Variants in AGBL1 observed in about 807,000 individuals in gnomAD.
AGBL1 encodes cytosolic carboxypeptidase 4.
AGBL1 carries 130 observed loss-of-function variants against 118.9 expected under a neutral mutation model. The observed-to-expected ratio is 1.09, with a 90% CI of 0.95 to 1.26. The LOEUF is 1.26. Ranked by LOEUF, AGBL1 falls within the 50% of genes most tolerant of loss-of-function variation. The pLI, the probability that AGBL1 is intolerant of heterozygous loss-of-function variation, is 0.00. For missense variants in AGBL1, 1,584 were observed against 1,298.1 expected (o/e 1.22, Z -3.38); for synonymous variants, 555 against 478.9 (o/e 1.16, Z -2.08).
intron 18 of AGBL1, among the ~76,000 whole-genome samples, chr15:86,477,869 A>G (rs2082585345): frequency 6.6e-6 from 1 of 152,194 alleles, no homozygotes; most frequent in Non-Finnish European, 1.5e-5. Flanking sequence ...CAGCACATCA[A>G]AAAGCTTATC....
At chr15:86,177,462 T>A (rs2077496697) in intron 5 of AGBL1, among the ~76,000 whole-genome samples, 1 of 152,192 alleles carries the variant, frequency 6.6e-6, no homozygotes, top group South Asian at 2.1e-4. Flanking sequence ...CTGATATTCA[T>A]AGGATACTTT....
chr15:87,007,584 G>C (rs146869930), intron 24 of AGBL1, among the ~76,000 whole-genome samples: 1 of 152,142 alleles, frequency 6.6e-6, no homozygotes, highest in South Asian at 2.1e-4. Flanking sequence ...GACAGGATGA[G>C]GTGTTTTAGT....
chr15:86,765,277 A>T (rs1303419137), intron 22 of AGBL1, among the ~76,000 whole-genome samples: 1 of 151,940 alleles, frequency 6.6e-6, no homozygotes, highest in Non-Finnish European at 1.5e-5. Flanking sequence ...ACAAATAATC[A>T]TTGTGCTCCT....
chr15:86,974,423 T>A (rs1260438521), intron 23 of AGBL1, among the ~76,000 whole-genome samples: 13 of 115,706 alleles, frequency 1.1e-4, no homozygotes, highest in Non-Finnish European at 1.2e-4. Flanking sequence ...TAAACATATT[T>A]TATATATTAA....
chr15:86,567,113 A>G (rs2083928788), intron 21 of AGBL1, among the ~76,000 whole-genome samples: 2 of 152,084 alleles, frequency 1.3e-5, no homozygotes, highest in African/African-American at 2.4e-5. Context: ...TTCTTTTTCT[A>G]TTTTAGATAA....
chr15:86,833,089 C>A (rs2079127334), intron 22 of AGBL1, among the ~76,000 whole-genome samples: 1 of 152,102 alleles, frequency 6.6e-6, no homozygotes, highest in Admixed American at 6.5e-5. Flanking sequence ...TTAATCACAG[C>A]ATGGAAAAGA....
intron 22 of AGBL1, among the ~76,000 whole-genome samples, chr15:86,700,624 T>G (rs982876774): frequency 6.6e-6 from 1 of 151,978 alleles, no homozygotes; most frequent in Non-Finnish European, 1.5e-5. Flanking sequence ...TAATCAAAAC[T>G]TGCAATTTTC....
intron 21 of AGBL1, among the ~76,000 whole-genome samples, chr15:86,643,059 A>T (rs914229101): frequency 6.6e-6 from 1 of 152,126 alleles, no homozygotes; most frequent in Non-Finnish European, 1.5e-5. Context: ...CTGGGGTGGC[A>T]AACTTTTTAG....
At chr15:86,797,897 G>A (rs1467370804) in intron 22 of AGBL1, among the ~76,000 whole-genome samples, 1 of 152,136 alleles carries the variant, frequency 6.6e-6, no homozygotes, top group Non-Finnish European at 1.5e-5. Context: ...TGACCTTTTT[G>A]TCAAATGGTA....
chr15:86,585,050 A>T (rs1036746893), intron 21 of AGBL1, among the ~76,000 whole-genome samples: 1 of 152,168 alleles, frequency 6.6e-6, no homozygotes, highest in African/African-American at 2.4e-5. Context: ...CTAAAACTTT[A>T]CTGAAGTTGC....
chr15:86,685,572 A>G (rs761299535), intron 22 of AGBL1, among the ~76,000 whole-genome samples: 32 of 152,174 alleles, frequency 2.1e-4, no homozygotes, highest in Non-Finnish European at 3.7e-4. Flanking sequence ...CGATAATGAT[A>G]TAGAATACCA....
intron 5 of AGBL1, among the ~76,000 whole-genome samples, chr15:86,220,684 C>T (rs2141916933): frequency 6.6e-6 from 1 of 152,242 alleles, no homozygotes; most frequent in Middle Eastern, 3.4e-3. Flanking sequence ...GTGGGCGGTT[C>T]CACTTTGCCT....
At chr15:86,771,723 A>G (rs377518972) in intron 22 of AGBL1, among the ~76,000 whole-genome samples, 2 of 152,182 alleles carry the variant, frequency 1.3e-5, no homozygotes, top group African/African-American at 4.8e-5. Flanking sequence ...AAAAGCTTTC[A>G]CAAATGTAGT....
At chr15:86,945,824 T>C (rs924155903) in intron 23 of AGBL1, among the ~76,000 whole-genome samples, 1 of 152,224 alleles carries the variant, frequency 6.6e-6, no homozygotes, top group Admixed American at 6.5e-5. Context: ...ATACAGCACT[T>C]TAAAAAGATA....
At chr15:86,620,048 G>A (rs926204952) in intron 21 of AGBL1, among the ~76,000 whole-genome samples, 4 of 152,230 alleles carry the variant, frequency 2.6e-5, no homozygotes, top group East Asian at 1.9e-4. Flanking sequence ...GGGTGAAGAC[G>A]GATCTCAGAG....
chr15:86,408,375 T>G (rs978934227), intron 18 of AGBL1, among the ~76,000 whole-genome samples: 1 of 152,226 alleles, frequency 6.6e-6, no homozygotes, highest in Non-Finnish European at 1.5e-5. Flanking sequence ...TCAAAGCTCC[T>G]GCTGTAACAT....
intron 18 of AGBL1, among the ~76,000 whole-genome samples, chr15:86,489,296 A>C (rs2082750015): frequency 6.6e-6 from 1 of 152,130 alleles, no homozygotes; most frequent in Non-Finnish European, 1.5e-5. Flanking sequence ...ATGCCTAGGC[A>C]ATGAACAGTG....
intron 24 of AGBL1, among the ~76,000 whole-genome samples, chr15:87,020,912 C>T (rs1253627036): frequency 6.6e-6 from 1 of 151,998 alleles, no homozygotes; most frequent in Non-Finnish European, 1.5e-5. Flanking sequence ...TGAAAATGGC[C>T]ATATTGCCCA....
intron 20 of AGBL1, among the ~76,000 whole-genome samples, chr15:86,551,550 G>A (rs895469314): frequency 2.0e-5 from 3 of 152,164 alleles, no homozygotes; most frequent in African/African-American, 7.2e-5. Context: ...GTGGAAAGAA[G>A]AATTAGTAAT....
Sources: allele counts gnomAD v4.1 joint callset (sites outside exome capture counted in the v4.1 genomes callset), GRCh38; gene constraint gnomAD v4.1.1; transcripts MANE v1.5; gene names NCBI Gene and HGNC (gene_info 2026-07-23, HGNC 2026-07-21).